Variants in KCNH1 observed in about 807,000 individuals in gnomAD.
KCNH1 encodes the protein potassium voltage-gated channel subfamily H member 1.
Under a neutral mutation model 69.2 loss-of-function variants are expected in KCNH1, and 27 were observed. That is an observed-to-expected ratio of 0.39 (90% confidence interval 0.29 to 0.54). The LOEUF is 0.54. Among genes scored for constraint, KCNH1 ranks in the 20% least tolerant of loss-of-function variants. The pLI is 0.68. For synonymous variants in KCNH1, 456 were observed against 487.7 expected (o/e 0.93, Z 0.86); for missense variants, 798 against 1,261.6 (o/e 0.63, Z 5.57).
At chr1:211,041,985 C>T (rs1456406617) in intron 5 of KCNH1, among the ~76,000 whole-genome samples, 2 of 152,120 alleles carry the variant, frequency 1.3e-5, no homozygotes, top group Non-Finnish European at 2.9e-5. Flanking sequence ...GAACTCCTGA[C>T]CTCAAGTGAT....
intron 7 of KCNH1, among the ~76,000 whole-genome samples, chr1:210,813,896 G>A (rs12076941): frequency 0.015 from 2,296 of 152,214 alleles, 37 homozygotes; most frequent in African/African-American, 0.052. Context: ...CATGAGATCC[G>A]ATGGTTTTAT....
rs59197723 is a variant in KCNH1 at position 210,832,283 on chromosome 1, A to G, written c.1463-28117T>C. Among the ~76,000 whole-genome samples, 6 of 152,186 alleles carry G rather than the reference A, an allele frequency of 3.9e-5. No individual in the cohort carries two copies. The South Asian group carries it at 1.0e-3, about 26-fold the overall frequency. ...ATCTGAGCCTGCTTAGATGTTTGAG[A>G]GTCCTCTTCTTAGACCTAACCTAGC... On this transcript the variant is annotated intron_variant, in intron 7 of 10. Coordinates refer to ENST00000271751, the MANE Select transcript of KCNH1 (RefSeq NM_172362.3).
At chr1:211,126,249 C>A (rs1691774444) in intron 1 of KCNH1, among the ~76,000 whole-genome samples, 1 of 152,198 alleles carries the variant, frequency 6.6e-6, no homozygotes, top group Non-Finnish European at 1.5e-5. Flanking sequence ...GTAGCTCACG[C>A]CTGTAATCCC....
chr1:210,810,009 T>G (rs1684668563), intron 7 of KCNH1, among the ~76,000 whole-genome samples: 2 of 152,216 alleles, frequency 1.3e-5, no homozygotes, highest in South Asian at 4.1e-4. Context: ...GTTTCTTCAC[T>G]TATTTAGGTT....
intron 10 of KCNH1, among the ~76,000 whole-genome samples, chr1:210,689,341 G>A (rs1053027477): frequency 6.6e-6 from 1 of 152,162 alleles, no homozygotes; most frequent in Non-Finnish European, 1.5e-5. Context: ...TTCTCCCCTT[G>A]GCCTGGTCCT....
chr1:210,794,329 C>G (rs576796450), intron 9 of KCNH1, among the ~76,000 whole-genome samples: 6 of 152,244 alleles, frequency 3.9e-5, no homozygotes, highest in African/African-American at 1.4e-4. Flanking sequence ...CAATCTGGCT[C>G]CTAGAGACAA....
At chr1:210,982,481 C>T (rs1688733578) in intron 6 of KCNH1, among the ~76,000 whole-genome samples, 1 of 152,040 alleles carries the variant, frequency 6.6e-6, no homozygotes, top group South Asian at 2.1e-4. Flanking sequence ...CATGTCTTCT[C>T]ATTATTCAAT....
chr1:210,918,195 G>A (rs542707781), intron 7 of KCNH1, among the ~76,000 whole-genome samples: 7 of 152,294 alleles, frequency 4.6e-5, no homozygotes, highest in South Asian at 2.1e-4. Flanking sequence ...CTCACAAAGC[G>A]GGATGCTGAA....
rs965784207 is a variant in KCNH1 at position 211,020,956 on chromosome 1, C to T, written c.559-1700G>A. On this transcript the variant is annotated intron_variant, in intron 5 of 10. Transcript: ENST00000271751. ...ATATCCTTTCATGATAAAAAAAACT[C>T]AACAAATGAGGTATAGAAGAAAGGT... Among the ~76,000 whole-genome samples, 85 of 151,024 alleles carry T rather than the reference C, an allele frequency of 5.6e-4. 1 individual carries two copies. Among genetic ancestry groups the T allele is most frequent in the Admixed American group, 5.0e-3 (75 of 15,134 alleles).
intron 10 of KCNH1, among the ~76,000 whole-genome samples, chr1:210,700,354 G>A (rs563107996): frequency 1.5e-4 from 23 of 152,220 alleles, no homozygotes; most frequent in African/African-American, 4.1e-4. Flanking sequence ...TGGAGTGTCC[G>A]AGCCAGCTTC....
intron 1 of KCNH1, among the ~76,000 whole-genome samples, chr1:211,117,500 C>A (rs1691602855): frequency 6.6e-6 from 1 of 152,068 alleles, no homozygotes; most frequent in African/African-American, 2.4e-5. Context: ...ACAGGAGAGG[C>A]CATAAGGAGA....
intron 1 of KCNH1, among the ~76,000 whole-genome samples, chr1:211,119,936 A>C (rs1292583593): frequency 6.6e-6 from 1 of 152,222 alleles, no homozygotes; most frequent in Admixed American, 6.5e-5. Context: ...TTTCAAAAGC[A>C]TGACCTCCAT....
chr1:211,023,156 AAATAAATT>A (rs562603915), intron 5 of KCNH1, among the ~76,000 whole-genome samples: 2,026 of 101,632 alleles, frequency 0.02, 48 homozygotes, highest in East Asian at 0.13. Flanking sequence ...ATAAATAAAT[AAATAAATT>A]AAAAATGCTG....
At chr1:210,812,308 T>G (rs1380467752) in intron 7 of KCNH1, among the ~76,000 whole-genome samples, 1 of 152,156 alleles carries the variant, frequency 6.6e-6, no homozygotes, top group African/African-American at 2.4e-5. Flanking sequence ...CCTCCTTTGC[T>G]CTCTGTTTCT....
At chr1:210,948,075 G>A (rs943741588) in intron 6 of KCNH1, among the ~76,000 whole-genome samples, 13 of 150,360 alleles carry the variant, frequency 8.6e-5, no homozygotes, top group Admixed American at 4.0e-4. Context: ...AAATTAGCCC[G>A]AGTGTGGTGG....
intron 7 of KCNH1, among the ~76,000 whole-genome samples, chr1:210,899,441 G>T (rs140823792): frequency 6.6e-6 from 1 of 151,972 alleles, no homozygotes; most frequent in African/African-American, 2.4e-5. Flanking sequence ...TTAAATTTCA[G>T]TTTTAACTTC....
At chr1:211,119,834 T>C (rs528299124) in intron 1 of KCNH1, among the ~76,000 whole-genome samples, 4 of 152,334 alleles carry the variant, frequency 2.6e-5, no homozygotes, top group Admixed American at 6.5e-5. Context: ...CATTTTTTAT[T>C]AAGTCAGTAA....
At chr1:210,693,419 C>T (rs532155278) in intron 10 of KCNH1, among the ~76,000 whole-genome samples, 1 of 152,226 alleles carries the variant, frequency 6.6e-6, no homozygotes, top group African/African-American at 2.4e-5. Context: ...ATAATCAGGC[C>T]GGTAGGAATC....
At chr1:211,113,438 G>T (rs1031263925) in intron 1 of KCNH1, among the ~76,000 whole-genome samples, 11 of 152,244 alleles carry the variant, frequency 7.2e-5, no homozygotes, top group African/African-American at 2.6e-4. Flanking sequence ...CTAAATGCTT[G>T]GGTTCTCCTG....
Sources: gnomAD v4.1 joint callset for allele counts (sites outside exome capture counted in the v4.1 genomes callset) on GRCh38, gnomAD v4.1.1 for gene constraint, MANE v1.5 for transcripts, NCBI Gene and HGNC (gene_info 2026-07-23, HGNC 2026-07-21) for gene names.